Variants in SLC4A1 observed in about 807,000 individuals in gnomAD.
SLC4A1 encodes solute carrier family 4 member 1 (Diego blood group).
A neutral mutation model predicts 93.1 loss-of-function variants in SLC4A1; 29 were observed. The observed-to-expected ratio is 0.31, with a 90% confidence interval of 0.23 to 0.42. SLC4A1 has a LOEUF of 0.42. Ranked by LOEUF, SLC4A1 falls within the 20% of genes least tolerant of loss-of-function variation. SLC4A1 has a pLI of 1.00. For synonymous variants in SLC4A1, 469 were observed against 497.2 expected (o/e 0.94, Z 0.76); for missense variants, 965 against 1,190.1 (o/e 0.81, Z 2.78).
At chr17:44,262,255 G>A (rs1182338097) in intron 3 of SLC4A1, among the ~76,000 whole-genome samples, 1 of 152,174 alleles carries the variant, frequency 6.6e-6, no homozygotes, top group Non-Finnish European at 1.5e-5. Context: ...GGTTCCTGGT[G>A]TCTTTCTATC....
chr17:44,258,295 G>T lies in SLC4A1; in HGVS notation c.1088-115C>A, dbSNP rs1261600827. 1.4e-6 allele frequency: 2 copies of T among 1,413,498 alleles called. No individual in the cohort carries two copies. Among genetic ancestry groups the T allele is most frequent in the Admixed American group, 1.7e-5 (1 of 59,674 alleles). 87.6% of individuals were successfully genotyped at this position (1,413,498 alleles called of 1,614,324 possible). The stretch of plus-strand genomic sequence containing the variant: ...TGGGAATGGGGCGGCGAAGAAGTCT[G>T]GAAGATGTGGGCAAAGGGAGCGATG... On this transcript the variant is annotated intron_variant, in intron 10 of 19. Coordinates refer to ENST00000262418, the MANE Select transcript of SLC4A1 (RefSeq NM_000342.4). This position sits in a 1 kb window ranked among gnomAD's most constrained non-coding sequence, Gnocchi z 6.1.
chr17:44,261,805 G>A (rs1341883137), intron 3 of SLC4A1, among the ~76,000 whole-genome samples, 169 bp from the exon 4 acceptor site: 2 of 152,134 alleles, frequency 1.3e-5, no homozygotes, highest in African/African-American at 4.8e-5. Context: ...GCAGAATGAG[G>A]CTCCCCACAC....
Position 44,255,791 on chromosome 17 carries a change from G to A in SLC4A1, c.1682C>T (p.Pro561Leu). ...KTYNYNVLMVPKPQGPLPNTA... is the reference protein window; with the variant it reads ...KTYNYNVLMVLKPQGPLPNTA... ...GTTGGGCAGGGGGCCCTGAGGTTTG[G>A]GCACCATCAACACGTTGTAGTTATA... Residue 561 changes from proline (P) to leucine (L), a missense_variant, in exon 14 of 20, where the codon CCC (proline) becomes CTC (leucine). Pro to Leu is a moderately conservative substitution (Grantham distance 98). Transcript: ENST00000262418. The A allele has an allele frequency of 6.2e-7, 1 of 1,614,090 alleles. No homozygotes were observed. Among genetic ancestry groups the A allele is most frequent in the Non-Finnish European group, 8.5e-7 (1 of 1,180,022 alleles).
chr17:44,251,373 C>T, intron 18 of SLC4A1, 41 bp from the exon 19 acceptor site: 1 of 1,614,224 alleles, frequency 6.2e-7, no homozygotes, highest in Non-Finnish European at 8.5e-7. Context: ...CACACCCCAG[C>T]ACCCTCTACC....
At chr17:44,262,125 T>A in intron 3 of SLC4A1, 1 of 943,402 alleles carries the variant, frequency 1.1e-6, no homozygotes. Flanking sequence ...CAGCCCTCAT[T>A]TCCAAGAGGG....
At chr17:44,253,429 C>T in intron 16 of SLC4A1, 58 bp from the exon 17 acceptor site, 1 of 1,569,424 alleles carries the variant, frequency 6.4e-7, no homozygotes, top group South Asian at 1.2e-5. Flanking sequence ...TCCACCCCCT[C>T]CTTCCTTCTC....
At position 44,258,262 on chromosome 17, in the gene SLC4A1, T is replaced by C. The variant is rs2047408653; in HGVS notation, c.1088-82A>G. ...AGGGGACTGGAGGGTGTAGGGGAGA[T>C]TGTCTGATGGGAATGGGGCGGCGAA... On this transcript the variant is annotated intron_variant, in intron 10 of 19. Coordinates refer to ENST00000262418, the MANE Select transcript of SLC4A1 (RefSeq NM_000342.4). This position sits in a 1 kb window ranked among gnomAD's most constrained non-coding sequence, Gnocchi z 6.1. 4 of 1,464,216 alleles carry C rather than the reference T, an allele frequency of 2.7e-6. No homozygotes were observed. Among genetic ancestry groups the C allele is most frequent in the East Asian group, 4.5e-5 (2 of 44,086 alleles). The allele number at this position is 1,464,216 out of a possible 1,614,324, so 90.7% of individuals were successfully genotyped here.
intron 15 of SLC4A1, 27 bp downstream of exon 15, chr17:44,255,180 G>A: frequency 6.7e-7 from 1 of 1,501,708 alleles, no homozygotes. Context: ...GGGGTATCAT[G>A]GTCTGAGGGC....
Position 44,258,662 on chromosome 17 carries a change from C to A in SLC4A1, c.877-39G>T, listed in dbSNP as rs111683448. The A allele has an allele frequency of 8.3e-5, 128 of 1,548,922 alleles. No homozygotes were observed. The highest frequency in any genetic ancestry group is 1.1e-4 in the Non-Finnish European group (125 of 1,145,714). ...ACAGGGTCAGAGCTGCCCGGACCTGCGGAGGGAAAGGACCCAGGAGTCCAC... is the reference window on the plus strand; with the variant it reads ...ACAGGGTCAGAGCTGCCCGGACCTGAGGAGGGAAAGGACCCAGGAGTCCAC... On this transcript the variant is annotated intron_variant, in intron 9 of 19. Coordinates refer to ENST00000262418, the MANE Select transcript of SLC4A1 (RefSeq NM_000342.4). The surrounding 1 kb of genome is among the most constrained non-coding windows in gnomAD (Gnocchi z 6.1).
chr17:44,258,738 C>T lies in SLC4A1; in HGVS notation c.877-115G>A, dbSNP rs2144615877. On this transcript the variant is annotated intron_variant, in intron 9 of 19. Transcript: ENST00000262418. This position sits in a 1 kb window ranked among gnomAD's most constrained non-coding sequence, Gnocchi z 6.1. Reference sequence around the variant, plus strand: ...CCCCTCAGGCAGCAGCTCCCATTGCCAGGAACTGCTTTTCCTGCCCGCTCC... The same window carrying T: ...CCCCTCAGGCAGCAGCTCCCATTGCTAGGAACTGCTTTTCCTGCCCGCTCC... 1 of 1,025,690 alleles carries T rather than the reference C, an allele frequency of 9.7e-7. No individual in the cohort carries two copies. The highest frequency in any genetic ancestry group is 1.5e-6 in the Non-Finnish European group (1 of 673,964). The allele number at this position is 1,025,690 out of a possible 1,614,324, so 63.5% of individuals were successfully genotyped here.
chr17:44,251,786 T>C (rs1221105281), intron 17 of SLC4A1, among the ~76,000 whole-genome samples, 198 bp from the exon 18 acceptor site: 1 of 133,196 alleles, frequency 7.5e-6, no homozygotes, highest in Non-Finnish European at 1.5e-5. Flanking sequence ...CAAGCCAGAG[T>C]GCAGTAGTGT....
In SLC4A1 at chr17:44,258,331, A is replaced by G; in HGVS notation, c.1087+82T>C. On this transcript the variant is annotated intron_variant, in intron 10 of 19. Coordinates refer to ENST00000262418, the MANE Select transcript of SLC4A1 (RefSeq NM_000342.4). The surrounding 1 kb of genome is among the most constrained non-coding windows in gnomAD (Gnocchi z 6.1). The stretch of plus-strand genomic sequence containing the variant: ...GCAAAGGGAGCGATGAGAGGGGAAC[A>G]TGTGATGGGAGACAGAGGCTACGCT... 2 of 1,446,740 alleles carry G rather than the reference A, an allele frequency of 1.4e-6. No homozygotes were observed. The highest frequency in any genetic ancestry group is 9.7e-7 in the Non-Finnish European group (1 of 1,028,964). 89.6% of individuals were successfully genotyped at this position (1,446,740 alleles called of 1,614,324 possible). A position where few individuals can be genotyped will look rare whatever the true frequency, so the allele number is the denominator to read the frequency against.
chr17:44,259,293 T>A lies in SLC4A1; in HGVS notation c.746A>T (p.Glu249Val). Residue 249 changes from glutamate to valine, a missense_variant, in exon 9 of 20, where the codon GAG becomes GTG. Glu to Val is a moderately radical substitution (Grantham distance 121, BLOSUM62 -2). Coordinates refer to ENST00000262418, the MANE Select transcript of SLC4A1 (RefSeq NM_000342.4). ...CTCCACCGCCTCCAGCTCCGCTGCCTCCTGCAGCCTCACGAAGCCCAGCAC... is the reference window on the plus strand; with the variant it reads ...CTCCACCGCCTCCAGCTCCGCTGCCACCTGCAGCCTCACGAAGCCCAGCAC... ...QPVLGFVRLQ[E>V]AAELEAVELP... 1 of 1,613,930 alleles carries A rather than the reference T, an allele frequency of 6.2e-7. No homozygotes were observed. The highest frequency in any genetic ancestry group is 8.5e-7 in the Non-Finnish European group (1 of 1,180,000).
rs2047458814 is a variant in SLC4A1, at chr17:44,262,840, G to C, written c.15+12C>G. On this transcript the variant is annotated intron_variant, in intron 2 of 19. Coordinates refer to ENST00000262418, the MANE Select transcript of SLC4A1 (RefSeq NM_000342.4). ...CCAGGTGGGAGCACTGCTGATGCCA[G>C]GGAACACCCACCTGCAGCTCCTCCA... 6.2e-7 allele frequency: 1 copy of C among 1,613,770 alleles called. No individual in the cohort carries two copies. Among genetic ancestry groups the C allele is most frequent in the Admixed American group, 1.7e-5 (1 of 60,026 alleles).
intron 8 of SLC4A1, 66 bp downstream of exon 8, chr17:44,259,431 G>A: frequency 1.2e-6 from 2 of 1,603,262 alleles, no homozygotes; most frequent in Non-Finnish European, 1.7e-6. Flanking sequence ...CCAGGCTGAG[G>A]GAAAGACAGG....
chr17:44,267,949 G>T, intron 1 of SLC4A1, 105 bp downstream of exon 1: 1 of 485,042 alleles, frequency 2.1e-6, no homozygotes. Flanking sequence ...CCCCTTGGAG[G>T]TCAGGAGCCT....
In SLC4A1 at chr17:44,264,459, G is replaced by T. The variant is rs148564666; in HGVS notation, c.-68-1525C>A. Among the ~76,000 whole-genome samples, 898 of 152,160 alleles carry T rather than the reference G, an allele frequency of 5.9e-3. 13 individuals are homozygous for T. Among genetic ancestry groups the T allele is most frequent in the African/African-American group, 0.02 (847 of 41,522 alleles). ...GGTGACAGAGTGAGACTCTTTAGAA[G>T]GAAAACAAAACAAAACAAAAAAACC... On this transcript the variant is annotated intron_variant, in intron 1 of 19. Coordinates refer to ENST00000262418, the MANE Select transcript of SLC4A1 (RefSeq NM_000342.4).
chr17:44,253,551 A>G (rs2047361962), intron 16 of SLC4A1, among the ~76,000 whole-genome samples, 180 bp from the exon 17 acceptor site: 1 of 151,826 alleles, frequency 6.6e-6, no homozygotes, highest in South Asian at 2.1e-4. Context: ...TAAGAGCAGA[A>G]ATGTCTTCAC....
rs753241627 is a variant in SLC4A1 at position 44,255,264 on chromosome 17, G to A, written c.1833C>T (p.Pro611=). 1 of 1,558,226 alleles carries A rather than the reference G, an allele frequency of 6.4e-7. No homozygotes were observed. The highest frequency in any genetic ancestry group is 2.4e-5 in the East Asian group (1 of 42,346). The change falls in exon 15 of 20, where the codon CCC becomes CCT. Residue 611 remains proline, a synonymous_variant. Transcript: ENST00000262418. ...CCAGGACCATGATCAGGATGGAGAT[G>A]GGGACCCCGAAGTCCCCGATGACCC... The part of the protein sequence containing the change: ...LRRVIGDFGV[P]ISILIMVLVD...
Sources: allele counts gnomAD v4.1 joint callset (sites outside exome capture counted in the v4.1 genomes callset), GRCh38; gene constraint gnomAD v4.1.1; non-coding constraint Gnocchi (gnomAD v3.1); transcripts MANE v1.5; gene names NCBI Gene and HGNC (gene_info 2026-07-23, HGNC 2026-07-21).